Variants in ITGAM observed in about 807,000 individuals in gnomAD.
The protein encoded by ITGAM is integrin alpha-M.
ITGAM carries 79 observed loss-of-function variants against 137.5 expected under a neutral mutation model. The ratio of observed to expected loss-of-function variants is 0.57; its 90% CI spans 0.48 to 0.69. ITGAM has a LOEUF of 0.69. Among genes scored for constraint, ITGAM ranks in the 30% least tolerant of loss-of-function variants. ITGAM has a pLI of 0.00. For synonymous variants in ITGAM, 583 were observed against 592.3 expected, an observed-to-expected ratio of 0.98 and a Z score of 0.23; for missense variants, 1,343 against 1,483.5, an observed-to-expected ratio of 0.91 and a Z score of 1.56.
intron 2 of ITGAM, among the ~76,000 whole-genome samples, chr16:31,262,095 C>T (rs1033869941): frequency 5.3e-5 from 8 of 152,174 alleles, no homozygotes; most frequent in African/African-American, 1.9e-4. Context: ...CACGTTCCCT[C>T]CCTCAGCCAA....
chr16:31,298,395 G>GCA (rs141373360), intron 14 of ITGAM, among the ~76,000 whole-genome samples: 33 of 150,934 alleles, frequency 2.2e-4, no homozygotes, highest in African/African-American at 5.8e-4. Context: ...GCGTGCACGT[G>GCA]CACACACACA....
intron 3 of ITGAM, 57 bp downstream of exon 3, chr16:31,265,555 T>A (rs983821626): frequency 2.6e-6 from 3 of 1,173,248 alleles, no homozygotes; most frequent in African/African-American, 1.5e-5. Context: ...ACATAGGGAC[T>A]TTCCAGGCAC....
intron 14 of ITGAM, among the ~76,000 whole-genome samples, chr16:31,308,435 G>A (rs151288592): frequency 0.095 from 14,468 of 152,098 alleles, 977 homozygotes; most frequent in Non-Finnish European, 0.15. Flanking sequence ...GTTTATTTGC[G>A]TAGAGGTGTT....
intron 14 of ITGAM, among the ~76,000 whole-genome samples, chr16:31,302,874 CTT>C (rs1282625747): frequency 6.6e-6 from 1 of 151,556 alleles, no homozygotes; most frequent in Non-Finnish European, 1.5e-5. Context: ...CTCTCTCTCT[CTT>C]TCCCTCCCTC....
chr16:31,280,018 T>TG (rs374865284), intron 12 of ITGAM, among the ~76,000 whole-genome samples: 36,254 of 152,030 alleles, frequency 0.24, 6,851 homozygotes, highest in African/African-American at 0.52. Flanking sequence ...TTCTTGTTTT[T>TG]TCAGGTTTGT....
intron 5 of ITGAM, among the ~76,000 whole-genome samples, chr16:31,270,455 G>A (rs1003656499): frequency 6.6e-6 from 1 of 150,714 alleles, no homozygotes; most frequent in Non-Finnish European, 1.5e-5. Context: ...CACATTCCCT[G>A]ATTCCCTTGG....
intron 9 of ITGAM, 48 bp downstream of exon 9, chr16:31,275,747 C>A (rs766785252): frequency 5.6e-6 from 9 of 1,598,590 alleles, no homozygotes; most frequent in African/African-American, 2.7e-5. Context: ...GGCAGCCCCC[C>A]ACCCCAGAAC....
At chr16:31,300,827 G>A (rs946159977) in intron 14 of ITGAM, among the ~76,000 whole-genome samples, 1 of 152,124 alleles carries the variant, frequency 6.6e-6, no homozygotes, top group African/African-American at 2.4e-5. Flanking sequence ...TGGGAGAATC[G>A]CTTGAACCCG....
chr16:31,265,410 C>T lies in ITGAM; in HGVS notation c.150C>T (p.Ala50=). Residue 50 remains alanine (A), a synonymous_variant, in exon 3 of 30, where the codon GCC becomes GCT. Transcript: ENST00000544665. ...QLQGSRVVVG[A]PQEIVAANQR... Reference sequence around the variant, plus strand: ...CTCCCCACAGGGTGGTGGTTGGAGCCCCCCAGGAGATAGTGGCTGCCAACC... The same window carrying T: ...CTCCCCACAGGGTGGTGGTTGGAGCTCCCCAGGAGATAGTGGCTGCCAACC... The T allele has an allele frequency of 6.2e-7, 1 of 1,602,136 alleles. No individual in the cohort carries two copies. The highest frequency in any genetic ancestry group is 8.5e-7 in the Non-Finnish European group (1 of 1,174,184).
chr16:31,301,372 C>A (rs1400587441), intron 14 of ITGAM, among the ~76,000 whole-genome samples: 1 of 152,050 alleles, frequency 6.6e-6, no homozygotes, highest in East Asian at 1.9e-4. Flanking sequence ...TCAGTTGGAC[C>A]CATATGGATG....
Position 31,276,963 on chromosome 16 carries a change from G to A in ITGAM, c.1127G>A (p.Gly376Asp). ...ACTGTGGGGAGCTATGACTGGGCTG[G>A]TGGAGTCTTTCTATATACATCAAAG... ...LSTVGSYDWAGGVFLYTSKEK... is the reference protein window; with the variant it reads ...LSTVGSYDWADGVFLYTSKEK... Residue 376 changes from glycine to aspartate, a missense_variant, in exon 11 of 30, where the codon GGT (glycine) becomes GAT (aspartate). Coordinates refer to ENST00000544665, the MANE Select transcript of ITGAM (RefSeq NM_000632.4). The A allele has an allele frequency of 6.2e-7, 1 of 1,613,408 alleles. No homozygotes were observed. Among genetic ancestry groups the A allele is most frequent in the Non-Finnish European group, 8.5e-7 (1 of 1,179,696 alleles).
At chr16:31,283,767 G>C (rs1179425935) in intron 12 of ITGAM, among the ~76,000 whole-genome samples, 1 of 152,214 alleles carries the variant, frequency 6.6e-6, no homozygotes. Flanking sequence ...TCCATTGCTG[G>C]TGAGGAGCTG....
chr16:31,279,197 T>C (rs2079942118), intron 12 of ITGAM, among the ~76,000 whole-genome samples: 1 of 152,302 alleles, frequency 6.6e-6, no homozygotes, highest in South Asian at 2.1e-4. Context: ...ACAATAAACA[T>C]ATGTGTGCGT....
intron 3 of ITGAM, 149 bp from the exon 4 acceptor site, chr16:31,265,662 C>A: frequency 1.3e-6 from 1 of 775,648 alleles, no homozygotes; most frequent in Non-Finnish European, 2.1e-6. Flanking sequence ...CCAGGCAACC[C>A]CTCTGTGTTC....
At chr16:31,294,135 A>T (rs1290351766) in intron 12 of ITGAM, among the ~76,000 whole-genome samples, 1 of 152,168 alleles carries the variant, frequency 6.6e-6, no homozygotes, top group Non-Finnish European at 1.5e-5. Flanking sequence ...CTCCTAGGCC[A>T]AGACTATGGG....
At position 31,324,384 on chromosome 16, in the gene ITGAM, A is replaced by G. The variant is rs1314110121; in HGVS notation, c.2003-15A>G. 2 of 1,550,982 alleles carry G rather than the reference A, an allele frequency of 1.3e-6. No homozygotes were observed. The highest frequency in any genetic ancestry group is 2.4e-5 in the South Asian group (2 of 84,054). Reference sequence around the variant, plus strand: ...GGCTCAGGCCCCTCACTGCTGTGCCACCCTGTCCCTTCAGGACAGATCCAG... The same window carrying G: ...GGCTCAGGCCCCTCACTGCTGTGCCGCCCTGTCCCTTCAGGACAGATCCAG... On this transcript the variant is annotated splice_polypyrimidine_tract_variant and intron_variant, in intron 16 of 29. Transcript: ENST00000544665. This position sits in a 1 kb window ranked among gnomAD's most constrained non-coding sequence, Gnocchi z 4.5.
At chr16:31,328,897 T>C (rs2080543386) in intron 23 of ITGAM, 3 of 463,344 alleles carry the variant, frequency 6.5e-6, no homozygotes, top group Non-Finnish European at 1.2e-5. Context: ...TGTGTATTCG[T>C]GCATGTGTGT....
At position 31,275,602 on chromosome 16, in the gene ITGAM, A is replaced by G. The variant is rs1360355486; in HGVS notation, c.912A>G (p.Ala304=). 6.2e-7 allele frequency: 1 copy of G among 1,613,952 alleles called. No individual in the cohort carries two copies. The highest frequency in any genetic ancestry group is 1.7e-5 in the Admixed American group (1 of 60,010). ...EKSRQELNTI[A]SKPPRDHVFQ... is the part of the protein sequence containing the mutation. ...CCCGCCAAGAGCTTAATACCATCGC[A>G]TCCAAGCCGCCTCGTGATCACGTGT... The change falls in exon 9 of 30, where the codon GCA becomes GCG. Residue 304 remains alanine (A), a synonymous_variant. Coordinates refer to ENST00000544665, the MANE Select transcript of ITGAM (RefSeq NM_000632.4).
At chr16:31,267,157 T>TG (rs1185260907) in intron 5 of ITGAM, among the ~76,000 whole-genome samples, 2 of 152,000 alleles carry the variant, frequency 1.3e-5, no homozygotes, top group South Asian at 2.1e-4. Context: ...AGGGAATGAG[T>TG]GGGGGGCATG....
Sources: gnomAD v4.1 joint callset for allele counts (sites outside exome capture counted in the v4.1 genomes callset) on GRCh38, gnomAD v4.1.1 for gene constraint, Gnocchi (gnomAD v3.1) non-coding constraint, MANE v1.5 for transcripts, NCBI Gene and HGNC (gene_info 2026-07-23, HGNC 2026-07-21) for gene names.